HDAC4: variants seen among roughly 807,000 people sequenced by gnomAD.
The protein encoded by HDAC4 is histone deacetylase 4.
In HDAC4, 16 loss-of-function variants were observed where a neutral mutation model predicts 135.1. That is an observed-to-expected ratio of 0.12 (90% confidence interval 0.08 to 0.18). The LOEUF is 0.18. Ranked by LOEUF, HDAC4 falls within the 10% of genes least tolerant of loss-of-function variation. The pLI, the probability that HDAC4 is intolerant of heterozygous loss-of-function variation, is 1.00. For missense variants in HDAC4, 1,143 were observed against 1,511.8 expected (o/e 0.76, Z 4.05); for synonymous variants, 685 against 653.4 (o/e 1.05, Z -0.74).
intron 3 of HDAC4, among the ~76,000 whole-genome samples, chr2:239,214,754 G>C (rs2046534443): frequency 6.6e-6 from 1 of 152,242 alleles, no homozygotes. Flanking sequence ...GATTTACCAA[G>C]ATTTTAGAAC....
rs1383164026 is a variant in HDAC4, at chr2:239,299,143, G to A, written c.22+53535C>T. Among the ~76,000 whole-genome samples, 2 of 152,080 alleles carry A rather than the reference G, an allele frequency of 1.3e-5. No homozygotes were observed. Among genetic ancestry groups the A allele is most frequent in the Non-Finnish European group, 2.9e-5 (2 of 68,030 alleles). ...GCCTCCCAAAGTGCTGGGATTACAGGCATAAGCTATTGCACCCGGCCTGTC... is the reference window on the plus strand; with the variant it reads ...GCCTCCCAAAGTGCTGGGATTACAGACATAAGCTATTGCACCCGGCCTGTC... On this transcript the variant is annotated intron_variant, in intron 2 of 26. Coordinates refer to ENST00000543185, the MANE Select transcript of HDAC4 (RefSeq NM_001378414.1). This position sits in a 1 kb window ranked among gnomAD's most constrained non-coding sequence, Gnocchi z 4.0.
intron 3 of HDAC4, 97 bp from the exon 4 acceptor site, chr2:239,190,174 C>CGGG (rs74761897): frequency 4.2e-5 from 45 of 1,071,060 alleles, no homozygotes; most frequent in African/African-American, 3.5e-4. Flanking sequence ...CTTCACGGGG[C>CGGG]GGGGGGGGGG....
chr2:239,384,980 C>T (rs565115038), intron 1 of HDAC4, among the ~76,000 whole-genome samples: 4 of 152,256 alleles, frequency 2.6e-5, no homozygotes, highest in Non-Finnish European at 4.4e-5. Flanking sequence ...AGGGCTCCAG[C>T]GAGCCAGGAT....
intron 7 of HDAC4, among the ~76,000 whole-genome samples, chr2:239,152,057 T>TA (rs1177502736): frequency 6.6e-6 from 1 of 152,198 alleles, no homozygotes; most frequent in Non-Finnish European, 1.5e-5. Context: ...AGAGTCATTA[T>TA]AAAAAATACA....
intron 2 of HDAC4, among the ~76,000 whole-genome samples, chr2:239,319,705 A>C (rs918938085): frequency 1.1e-4 from 17 of 152,234 alleles, no homozygotes; most frequent in Non-Finnish European, 2.1e-4. Flanking sequence ...AAATTCACAA[A>C]ATTGAATGCA....
chr2:239,323,369 G>A lies in HDAC4; in HGVS notation c.22+29309C>T, dbSNP rs537953910. On this transcript the variant is annotated intron_variant, in intron 2 of 26. Coordinates refer to ENST00000543185, the MANE Select transcript of HDAC4 (RefSeq NM_001378414.1). ...CTCCCAGCTAAATGTGGTCTGGCAGGGTAAAGAGAGCATTTTCCTTTCTTT... is the reference window on the plus strand; with the variant it reads ...CTCCCAGCTAAATGTGGTCTGGCAGAGTAAAGAGAGCATTTTCCTTTCTTT... 1.3e-5 allele frequency among the ~76,000 whole-genome samples: 2 copies of A among 152,232 alleles called. 1 individual carries two copies. The highest frequency in any genetic ancestry group is 4.2e-4 in the South Asian group (2 of 4,814).
intron 1 of HDAC4, among the ~76,000 whole-genome samples, chr2:239,377,894 A>C (rs1695134513): frequency 6.6e-6 from 1 of 152,150 alleles, no homozygotes; most frequent in Non-Finnish European, 1.5e-5. Context: ...CATATGCCAC[A>C]GGGGGAGCGC....
chr2:239,108,897 G>A (rs1335347178), intron 14 of HDAC4, among the ~76,000 whole-genome samples: 1 of 152,234 alleles, frequency 6.6e-6, no homozygotes, highest in East Asian at 1.9e-4. Context: ...GGGGGCCCCA[G>A]AACCAACTGG....
At chr2:239,192,564 G>A (rs2045061296) in intron 3 of HDAC4, among the ~76,000 whole-genome samples, 1 of 152,162 alleles carries the variant, frequency 6.6e-6, no homozygotes, top group Admixed American at 6.5e-5. Context: ...AGACTCAGCT[G>A]GCGGGCTCCC....
intron 2 of HDAC4, among the ~76,000 whole-genome samples, chr2:239,260,497 C>T (rs768639442): frequency 2.6e-5 from 4 of 152,178 alleles, no homozygotes; most frequent in Non-Finnish European, 4.4e-5. Context: ...TATCCTTCAT[C>T]GTGGTACAGA....
At chr2:239,346,455 AAC>A (rs1559376101) in intron 2 of HDAC4, among the ~76,000 whole-genome samples, 1 of 147,918 alleles carries the variant, frequency 6.8e-6, no homozygotes, top group Non-Finnish European at 1.5e-5. Context: ...TACATACCTT[AAC>A]ACACATCCTG....
rs376499631 is a variant in HDAC4 at position 239,068,755 on chromosome 2, A to G, written c.2751-148T>C. The G allele has an allele frequency of 1.2e-3, 905 of 741,000 alleles. 17 individuals carry two copies. Among genetic ancestry groups the G allele is most frequent in the South Asian group, 0.012 (853 of 70,512 alleles). 45.9% of individuals were successfully genotyped at this position (741,000 alleles called of 1,614,324 possible). On this transcript the variant is annotated intron_variant, in intron 22 of 26. Transcript: ENST00000543185. The surrounding 1 kb of genome is among the most constrained non-coding windows in gnomAD (Gnocchi z 4.4). The stretch of plus-strand genomic sequence containing the variant: ...CTGAGGGCTCCACACAGCAGGCTGG[A>G]ATCTGGCGACCACGCTTAATTAGAA...
rs991748301 is a variant in HDAC4 at position 239,186,448 on chromosome 2, T to C, written c.339+3385A>G. 5 of 152,220 alleles carry C rather than the reference T, an allele frequency of 3.3e-5. No homozygotes were observed. The East Asian group carries it at 5.8e-4, about 18-fold the overall frequency. The allele number at this position is 152,220 out of a possible 1,614,324, so 9.4% of individuals were successfully genotyped here. A position where few individuals can be genotyped will look rare whatever the true frequency, so the allele number is the denominator to read the frequency against. On this transcript the variant is annotated intron_variant, in intron 4 of 26. Transcript: ENST00000543185. ...GCCTCCTAATGTAATGAAACCACTATGTAGTTCAAATGGCTTTTATAATCT... is the reference window on the plus strand; with the variant it reads ...GCCTCCTAATGTAATGAAACCACTACGTAGTTCAAATGGCTTTTATAATCT...
chr2:239,225,706 A>G (rs1575458753), intron 3 of HDAC4, among the ~76,000 whole-genome samples: 1 of 148,230 alleles, frequency 6.7e-6, no homozygotes, highest in East Asian at 2.1e-4. Flanking sequence ...GCCTGACTAA[A>G]CCGCCTTCAA....
chr2:239,308,978 A>G lies in HDAC4; in HGVS notation c.22+43700T>C, dbSNP rs1213829437. 6.6e-6 allele frequency: 1 copy of G among 152,182 alleles called. No homozygotes were observed. Among genetic ancestry groups the G allele is most frequent in the Non-Finnish European group, 1.5e-5 (1 of 68,048 alleles). 9.4% of individuals were successfully genotyped at this position (152,182 alleles called of 1,614,324 possible). Reference sequence around the variant, plus strand: ...TTCAAACATTCTAAACGGATTCTTGATAACAAGCCGCCGGCTCGCTGGAAG... The same window carrying G: ...TTCAAACATTCTAAACGGATTCTTGGTAACAAGCCGCCGGCTCGCTGGAAG... On this transcript the variant is annotated intron_variant, in intron 2 of 26. Coordinates refer to ENST00000543185, the MANE Select transcript of HDAC4 (RefSeq NM_001378414.1). This position sits in a 1 kb window ranked among gnomAD's most constrained non-coding sequence, Gnocchi z 4.2.
At chr2:239,209,142 A>C (rs541200889) in intron 3 of HDAC4, among the ~76,000 whole-genome samples, 4 of 152,300 alleles carry the variant, frequency 2.6e-5, no homozygotes, top group Admixed American at 6.5e-5. Flanking sequence ...CAGCCTCCCA[A>C]AGTGCTAGGA....
intron 3 of HDAC4, among the ~76,000 whole-genome samples, chr2:239,209,144 G>A (rs1575414217): frequency 6.6e-6 from 1 of 152,342 alleles, no homozygotes; most frequent in Non-Finnish European, 1.5e-5. Flanking sequence ...GCCTCCCAAA[G>A]TGCTAGGATT....
chr2:239,142,919 CAT>C (rs1045917420), intron 8 of HDAC4, among the ~76,000 whole-genome samples: 29 of 151,142 alleles, frequency 1.9e-4, no homozygotes, highest in African/African-American at 5.8e-4. Context: ...CCCTGTCACA[CAT>C]GACTCCTGGG....
intron 2 of HDAC4, among the ~76,000 whole-genome samples, chr2:239,346,310 AAC>A (rs1227664694): frequency 1.3e-5 from 2 of 149,790 alleles, no homozygotes; most frequent in African/African-American, 2.5e-5. Context: ...AACACACCCT[AAC>A]ACACACGCAT....
Sources: gnomAD v4.1 joint callset for allele counts (sites outside exome capture counted in the v4.1 genomes callset) on GRCh38, gnomAD v4.1.1 for gene constraint, Gnocchi (gnomAD v3.1) non-coding constraint, MANE v1.5 for transcripts, NCBI Gene and HGNC (gene_info 2026-07-23, HGNC 2026-07-21) for gene names.